The following CLSTN2 variants were observed in gnomAD, a reference collection of about 807,000 sequenced individuals.
The protein encoded by CLSTN2 is calsyntenin-2.
A neutral mutation model predicts 101.2 loss-of-function variants in CLSTN2; 48 were observed. The ratio of observed to expected loss-of-function variants is 0.47; its 90% CI spans 0.38 to 0.60. The LOEUF (loss-of-function observed/expected upper bound fraction) is 0.60. Among genes scored for constraint, CLSTN2 ranks in the 20% least tolerant of loss-of-function variants. CLSTN2 has a pLI of 0.00. For synonymous variants in CLSTN2, 481 were observed against 463.6 expected (o/e 1.04, Z -0.48); for missense variants, 1,160 against 1,238.2 (o/e 0.94, Z 0.95).
At chr3:139,962,761 A>C (rs1935533705) in intron 1 of CLSTN2, among the ~76,000 whole-genome samples, 1 of 152,144 alleles carries the variant, frequency 6.6e-6, no homozygotes, top group Non-Finnish European at 1.5e-5. Context: ...GTATTCCATC[A>C]TCTGTATGTA....
intron 1 of CLSTN2, among the ~76,000 whole-genome samples, chr3:139,949,148 C>T (rs930323718): frequency 1.8e-4 from 27 of 152,192 alleles, no homozygotes; most frequent in Non-Finnish European, 3.5e-4. Flanking sequence ...CATTATGTGG[C>T]TCCCATATAG....
chr3:140,226,527 T>C (rs987293165), intron 2 of CLSTN2, among the ~76,000 whole-genome samples: 2 of 152,248 alleles, frequency 1.3e-5, no homozygotes, highest in Non-Finnish European at 2.9e-5. Flanking sequence ...AAGTGGTATA[T>C]GGGTATTCAT....
At chr3:139,999,044 G>A (rs964236655) in intron 1 of CLSTN2, among the ~76,000 whole-genome samples, 3 of 151,022 alleles carry the variant, frequency 2.0e-5, no homozygotes, top group African/African-American at 7.4e-5. Flanking sequence ...GCCTGTCCCC[G>A]TGACCTACCC....
intron 1 of CLSTN2, among the ~76,000 whole-genome samples, chr3:140,090,956 T>C (rs1413228117): frequency 6.6e-6 from 1 of 152,158 alleles, no homozygotes; most frequent in Non-Finnish European, 1.5e-5. Context: ...GTGTATTGCA[T>C]GTAGGTAGCC....
chr3:140,109,882 C>T (rs1310715128), intron 1 of CLSTN2, among the ~76,000 whole-genome samples: 1 of 152,102 alleles, frequency 6.6e-6, no homozygotes, highest in African/African-American at 2.4e-5. Context: ...AAGTCATGCT[C>T]CTCTCTGTGG....
intron 1 of CLSTN2, among the ~76,000 whole-genome samples, chr3:140,150,532 A>G (rs2009847321): frequency 1.3e-5 from 2 of 152,216 alleles, no homozygotes; most frequent in South Asian, 2.1e-4. Context: ...GCATTGCATC[A>G]GCTCAGAGAA....
At chr3:140,365,038 G>A (rs1475315603) in intron 2 of CLSTN2, among the ~76,000 whole-genome samples, 1 of 152,142 alleles carries the variant, frequency 6.6e-6, no homozygotes, top group Admixed American at 6.5e-5. Flanking sequence ...GATGCCTAGG[G>A]GCTGCCCCCT....
At chr3:140,374,647 T>A (rs2087895640) in intron 2 of CLSTN2, among the ~76,000 whole-genome samples, 1 of 152,222 alleles carries the variant, frequency 6.6e-6, no homozygotes, top group South Asian at 2.1e-4. Context: ...GACCAAATTT[T>A]AAAAATAGAG....
chr3:140,171,732 A>G (rs1448131913), intron 1 of CLSTN2, among the ~76,000 whole-genome samples: 1 of 111,580 alleles, frequency 9.0e-6, no homozygotes, highest in Non-Finnish European at 1.7e-5. Flanking sequence ...TATTATATAT[A>G]ATATATTAAT....
At chr3:139,989,035 T>C (rs1936075743) in intron 1 of CLSTN2, among the ~76,000 whole-genome samples, 1 of 152,188 alleles carries the variant, frequency 6.6e-6, no homozygotes, top group African/African-American at 2.4e-5. Context: ...GACAGCTCCT[T>C]CAATCTGCTT....
At chr3:139,955,671 A>G (rs1935381951) in intron 1 of CLSTN2, among the ~76,000 whole-genome samples, 1 of 8,142 alleles carries the variant, frequency 1.2e-4, no homozygotes, top group African/African-American at 1.6e-4. Flanking sequence ...AGTCATCTAG[A>G]GCTAGGCCCT....
At chr3:140,437,693 C>T (rs1163622109) in intron 5 of CLSTN2, among the ~76,000 whole-genome samples, 1 of 152,216 alleles carries the variant, frequency 6.6e-6, no homozygotes, top group African/African-American at 2.4e-5. Flanking sequence ...TCAGGCAAGA[C>T]TTATGAGCTC....
intron 2 of CLSTN2, among the ~76,000 whole-genome samples, chr3:140,309,704 C>T (rs902481891): frequency 6.6e-6 from 1 of 152,102 alleles, no homozygotes; most frequent in Non-Finnish European, 1.5e-5. Flanking sequence ...AGAGTCACCC[C>T]CACGTGCCCT....
At chr3:140,234,158 A>T (rs2086395818) in intron 2 of CLSTN2, among the ~76,000 whole-genome samples, 1 of 152,242 alleles carries the variant, frequency 6.6e-6, no homozygotes, top group African/African-American at 2.4e-5. Flanking sequence ...CACGGTCACA[A>T]ATCCAATTTC....
chr3:139,958,198 C>T (rs936616923), intron 1 of CLSTN2, among the ~76,000 whole-genome samples: 1 of 152,088 alleles, frequency 6.6e-6, no homozygotes, highest in African/African-American at 2.4e-5. Flanking sequence ...CATTGTTGCC[C>T]CTTGGCAGGG....
chr3:139,998,336 CTTTTTTT>C (rs60541490), intron 1 of CLSTN2, among the ~76,000 whole-genome samples: 4 of 66,814 alleles, frequency 6.0e-5, no homozygotes, highest in African/African-American at 1.4e-4. Flanking sequence ...CCCCACATGC[CTTTTTTT>C]TTTTTTTTTT....
intron 2 of CLSTN2, among the ~76,000 whole-genome samples, chr3:140,313,535 T>G (rs528765581): frequency 6.6e-5 from 10 of 152,000 alleles, no homozygotes; most frequent in Non-Finnish European, 1.3e-4. Flanking sequence ...GAGCTGAGAG[T>G]GCCTAGAGGA....
At chr3:139,977,066 G>C (rs1276220753) in intron 1 of CLSTN2, among the ~76,000 whole-genome samples, 1 of 152,140 alleles carries the variant, frequency 6.6e-6, no homozygotes, top group African/African-American at 2.4e-5. Context: ...GGGGAGAAAA[G>C]ACAAAACCTC....
chr3:140,089,560 T>G (rs1243652494), intron 1 of CLSTN2, among the ~76,000 whole-genome samples: 1 of 151,974 alleles, frequency 6.6e-6, no homozygotes, highest in African/African-American at 2.4e-5. Flanking sequence ...TGCTCTATTT[T>G]GGTCTTCCTT....
Sources: allele counts gnomAD v4.1 joint callset (sites outside exome capture counted in the v4.1 genomes callset), GRCh38; gene constraint gnomAD v4.1.1; transcripts MANE v1.5; gene names NCBI Gene and HGNC (gene_info 2026-07-23, HGNC 2026-07-21).